KATNBL1: variants seen among roughly 807,000 people sequenced by gnomAD.
The protein encoded by KATNBL1 is KATNB1-like protein 1.
Under a neutral mutation model 44.7 loss-of-function variants are expected in KATNBL1, and 28 were observed. The observed-to-expected ratio is 0.63, with a 90% confidence interval of 0.46 to 0.86. The LOEUF (loss-of-function observed/expected upper bound fraction) is 0.86, where lower values mean the gene tolerates loss of function less well. KATNBL1 is among the 40% of genes least tolerant of loss of function. The pLI is 0.00. For synonymous variants in KATNBL1, 78 were observed against 114.9 expected, an observed-to-expected ratio of 0.68 and a Z score of 2.06; for missense variants, 272 against 350.7, an observed-to-expected ratio of 0.78 and a Z score of 1.79.
intron 1 of KATNBL1, among the ~76,000 whole-genome samples, chr15:34,197,124 CATG>C (rs1890048068): frequency 6.6e-6 from 1 of 152,216 alleles, no homozygotes; most frequent in Admixed American, 6.5e-5. Flanking sequence ...TATTTGCATC[CATG>C]ATAACACAAG....
chr15:34,141,679 A>G lies in KATNBL1; in HGVS notation c.*660T>C, dbSNP rs1265083444. 1 of 152,636 alleles carries G rather than the reference A, an allele frequency of 6.6e-6. No individual in the cohort carries two copies. Among genetic ancestry groups the G allele is most frequent in the East Asian group, 1.9e-4 (1 of 5,200 alleles). 9.5% of individuals were successfully genotyped at this position (152,636 alleles called of 1,614,324 possible). On this transcript the variant is annotated 3_prime_UTR_variant, in exon 10 of 10. Coordinates refer to ENST00000256544, the MANE Select transcript of KATNBL1 (RefSeq NM_024713.3). ...AGTGTTTCAAGAACACTCTACAAGA[A>G]TGTAAACCCCTGATTTAATTCCATG... is the stretch of plus-strand genomic sequence containing the variant.
At chr15:34,204,309 GA>G (rs1890239969) in intron 1 of KATNBL1, among the ~76,000 whole-genome samples, 1 of 152,188 alleles carries the variant, frequency 6.6e-6, no homozygotes, top group Non-Finnish European at 1.5e-5. Flanking sequence ...GGCACAGAAT[GA>G]TTCAGTCAGT....
chr15:34,167,623 C>T (rs550098739), intron 1 of KATNBL1, among the ~76,000 whole-genome samples: 1 of 152,248 alleles, frequency 6.6e-6, no homozygotes, highest in Admixed American at 6.5e-5. Context: ...TCAAGAAGAG[C>T]AACCCCAAGA....
intron 1 of KATNBL1, among the ~76,000 whole-genome samples, chr15:34,201,177 G>A (rs1009770398): frequency 6.6e-6 from 1 of 152,068 alleles, no homozygotes; most frequent in Middle Eastern, 3.2e-3. Flanking sequence ...ACTAATAATG[G>A]GAAAATAAAA....
chr15:34,196,973 A>G (rs1000739426), intron 1 of KATNBL1, among the ~76,000 whole-genome samples: 12 of 152,210 alleles, frequency 7.9e-5, no homozygotes, highest in African/African-American at 2.7e-4. Context: ...GAAACAATAT[A>G]TTTTAAATTC....
intron 1 of KATNBL1, among the ~76,000 whole-genome samples, chr15:34,165,096 C>T (rs890922888): frequency 5.3e-5 from 8 of 152,160 alleles, no homozygotes; most frequent in African/African-American, 1.7e-4. Context: ...AAATAAATAA[C>T]TGCAATAATA....
At chr15:34,179,973 A>G (rs543276986) in intron 1 of KATNBL1, among the ~76,000 whole-genome samples, 129 of 152,398 alleles carry the variant, frequency 8.5e-4, no homozygotes, top group African/African-American at 3.0e-3. Flanking sequence ...GTAATATTTC[A>G]TAAGAAGAAT....
chr15:34,204,761 C>T (rs1377375900), intron 1 of KATNBL1, among the ~76,000 whole-genome samples: 1 of 152,110 alleles, frequency 6.6e-6, no homozygotes, highest in African/African-American at 2.4e-5. Context: ...TCTATACCAA[C>T]TATTCAATAA....
At chr15:34,195,532 C>A (rs1171730109) in intron 1 of KATNBL1, among the ~76,000 whole-genome samples, 1 of 151,984 alleles carries the variant, frequency 6.6e-6, no homozygotes, top group Non-Finnish European at 1.5e-5. Flanking sequence ...TCACCACATG[C>A]AATATATCAA....
At chr15:34,147,027 GCTTTTATAATTGTC>G in intron 7 of KATNBL1, 159 bp downstream of exon 7, 1 of 640,192 alleles carries the variant, frequency 1.6e-6, no homozygotes, top group South Asian at 2.0e-5. Flanking sequence ...GTTTAGAGAT[GCTTTTATAATTGTC>G]CTTTAGTCAT....
chr15:34,163,292 CCT>C (rs1320957596), intron 2 of KATNBL1, among the ~76,000 whole-genome samples: 1 of 152,078 alleles, frequency 6.6e-6, no homozygotes, highest in Non-Finnish European at 1.5e-5. Flanking sequence ...GATCCACCCA[CCT>C]CGGCCTCCCA....
At chr15:34,143,656 A>T (rs1235787513) in intron 9 of KATNBL1, among the ~76,000 whole-genome samples, 1 of 151,862 alleles carries the variant, frequency 6.6e-6, no homozygotes. Context: ...TTTCATCATT[A>T]AGAATTCTAT....
chr15:34,188,076 T>C (rs1282784299), intron 1 of KATNBL1, among the ~76,000 whole-genome samples: 5 of 124,998 alleles, frequency 4.0e-5, no homozygotes, highest in African/African-American at 1.5e-4. Flanking sequence ...GAAGTGGAGG[T>C]TGCAGTGACC....
intron 1 of KATNBL1, among the ~76,000 whole-genome samples, chr15:34,172,841 G>T (rs59635553): frequency 6.6e-6 from 1 of 151,256 alleles, no homozygotes; most frequent in Non-Finnish European, 1.5e-5. Flanking sequence ...TGTTTCCAAA[G>T]AACTGTATGT....
At chr15:34,172,271 T>TTTTTTTTTA (rs1335844817) in intron 1 of KATNBL1, among the ~76,000 whole-genome samples, 2 of 145,568 alleles carry the variant, frequency 1.4e-5, no homozygotes, top group African/African-American at 5.1e-5. Flanking sequence ...TTTTTTTTTT[T>TTTTTTTTTA]TTTGAGATGG....
At chr15:34,193,096 G>C (rs919912313) in intron 1 of KATNBL1, among the ~76,000 whole-genome samples, 6 of 151,072 alleles carry the variant, frequency 4.0e-5, no homozygotes, top group Non-Finnish European at 8.9e-5. Flanking sequence ...GGGCGCCTGT[G>C]GTCCCAGCTA....
At chr15:34,192,284 A>AT (rs1889896132) in intron 1 of KATNBL1, among the ~76,000 whole-genome samples, 1 of 151,778 alleles carries the variant, frequency 6.6e-6, no homozygotes, top group Admixed American at 6.6e-5. Context: ...CGTGCCTGTA[A>AT]TCCCTGCTAC....
chr15:34,195,244 A>C (rs184020984), intron 1 of KATNBL1, among the ~76,000 whole-genome samples: 158 of 152,352 alleles, frequency 1.0e-3, no homozygotes, highest in African/African-American at 3.5e-3. Context: ...GTACATATAC[A>C]ATATGGGATA....
chr15:34,174,488 G>A (rs1363433190), intron 1 of KATNBL1, among the ~76,000 whole-genome samples: 1 of 152,108 alleles, frequency 6.6e-6, no homozygotes, highest in Non-Finnish European at 1.5e-5. Flanking sequence ...ACTGATAACT[G>A]TATTATATGT....
Sources: allele counts gnomAD v4.1 joint callset (sites outside exome capture counted in the v4.1 genomes callset), GRCh38; gene constraint gnomAD v4.1.1; transcripts MANE v1.5; gene names NCBI Gene and HGNC (gene_info 2026-07-23, HGNC 2026-07-21).